WDR4: variants seen among roughly 807,000 people sequenced by gnomAD.
The protein encoded by WDR4 is WDR4 tRNA N7-guanosine methyltransferase non-catalytic subunit, also known as tRNA (guanine-N(7)-)-methyltransferase non-catalytic subunit WDR4.
Under a neutral mutation model 48.6 loss-of-function variants are expected in WDR4, and 47 were observed. The ratio of observed to expected loss-of-function variants is 0.97; its 90% CI spans 0.77 to 1.23. WDR4 has a LOEUF of 1.23. Among genes scored for constraint, WDR4 ranks in the 50% most tolerant of loss-of-function variants. The pLI is 0.00. For synonymous variants in WDR4, 268 were observed against 230.0 expected (o/e 1.17, Z -1.49); for missense variants, 606 against 551.6 (o/e 1.10, Z -0.99).
intron 1 of WDR4, among the ~76,000 whole-genome samples, chr21:42,878,785 G>T (rs1035779231): frequency 6.6e-6 from 1 of 152,208 alleles, no homozygotes; most frequent in Non-Finnish European, 1.5e-5. Flanking sequence ...CCCGAGCCGT[G>T]CGAAGGGCCA....
chr21:42,887,583 T>A, the WDR4 span, among the ~76,000 whole-genome samples: 2 of 152,196 alleles, frequency 1.3e-5, no homozygotes, highest in East Asian at 3.8e-4. Context: ...TGTGAAAGAT[T>A]CCAGTAGTGA....
At chr21:42,878,702 G>C (rs1330527885) in intron 1 of WDR4, among the ~76,000 whole-genome samples, 3 of 152,168 alleles carry the variant, frequency 2.0e-5, no homozygotes, top group Admixed American at 6.5e-5. Context: ...CATTTACTAA[G>C]TTAAAAATCC....
At position 42,862,515 on chromosome 21, in the gene WDR4, A is replaced by G; in HGVS notation, c.454-121T>C. On this transcript the variant is annotated intron_variant, in intron 4 of 10. Transcript: ENST00000398208. This position sits in a 1 kb window ranked among gnomAD's most constrained non-coding sequence, Gnocchi z 4.3. ...CGCCAAGAGGATGAGGCCTTCGAGG[A>G]CAGACCAGCGTGGCTCCTCCCCTCC... is the stretch of plus-strand genomic sequence containing the variant. 1.2e-6 allele frequency: 1 copy of G among 866,636 alleles called. No homozygotes were observed. Among genetic ancestry groups the G allele is most frequent in the Non-Finnish European group, 1.8e-6 (1 of 557,110 alleles). 53.7% of individuals were successfully genotyped at this position (866,636 alleles called of 1,614,324 possible).
At chr21:42,884,342 G>A (rs1041813944), upstream of WDR4, among the ~76,000 whole-genome samples, 6 of 152,122 alleles carry the variant, frequency 3.9e-5, no homozygotes, top group African/African-American at 1.2e-4. Flanking sequence ...AGGTTGCAAT[G>A]AGCTGAGATT....
At chr21:42,859,586 G>GATCCACAGGGGCCAGA in intron 6 of WDR4, 76 bp downstream of exon 6, 2 of 731,674 alleles carry the variant, frequency 2.7e-6, no homozygotes, top group Non-Finnish European at 4.1e-6. Flanking sequence ...CAGGGGCCAG[G>GATCCACAGGGGCCAGA]TCCAGGAGGC....
intron 3 of WDR4, among the ~76,000 whole-genome samples, chr21:42,863,799 C>T (rs1030948213): frequency 9.2e-5 from 14 of 151,840 alleles, no homozygotes; most frequent in Non-Finnish European, 1.2e-4. Context: ...ACTTTCACAA[C>T]GTTTTTCTTT....
At chr21:42,884,674 C>G in the WDR4 span, among the ~76,000 whole-genome samples, 90,533 of 151,842 alleles carry the variant, frequency 0.6, 27,756 homozygotes, top group African/African-American at 0.71. Context: ...TTTCAGGGAC[C>G]GCCAAGCTGA....
Position 42,855,731 on chromosome 21 carries a change from C to A in WDR4, c.677G>T (p.Cys226Phe). Residue 226 changes from cysteine (C) to phenylalanine (F), a missense_variant, in exon 7 of 11, where the codon TGC (cysteine) becomes TTC (phenylalanine). Coordinates refer to ENST00000398208, the MANE Select transcript of WDR4 (RefSeq NM_018669.6). ...WEYRSGRQLH[C>F]CHLASLQELV... ...CTCCTGCAGACTGGCCAGGTGACAG[C>A]AGTGCAGCTGGCGGCCGCTCCTGTA... 1 of 1,555,146 alleles carries A rather than the reference C, an allele frequency of 6.4e-7. No individual in the cohort carries two copies. Among genetic ancestry groups the A allele is most frequent in the Non-Finnish European group, 8.7e-7 (1 of 1,149,062 alleles).
chr21:42,878,413 C>T (rs2058549920), intron 1 of WDR4, among the ~76,000 whole-genome samples: 1 of 152,184 alleles, frequency 6.6e-6, no homozygotes, highest in Non-Finnish European at 1.5e-5. Context: ...TCTAATATAT[C>T]CACAGCTCAC....
At chr21:42,876,406 G>A (rs980919149) in intron 2 of WDR4, among the ~76,000 whole-genome samples, 5 of 151,982 alleles carry the variant, frequency 3.3e-5, no homozygotes, top group Non-Finnish European at 7.4e-5. Context: ...TAGAGACAGG[G>A]TTTCGCCATG....
intron 1 of WDR4, among the ~76,000 whole-genome samples, chr21:42,877,969 CG>C (rs1320448366): frequency 6.9e-6 from 1 of 145,146 alleles, no homozygotes; most frequent in Non-Finnish European, 1.5e-5. Context: ...GGCGTGAACC[CG>C]GGAGGCGGAG....
At chr21:42,877,713 A>T (rs2054075959) in intron 1 of WDR4, among the ~76,000 whole-genome samples, 1 of 152,146 alleles carries the variant, frequency 6.6e-6, no homozygotes, top group African/African-American at 2.4e-5. Flanking sequence ...TTAATATGCT[A>T]TTCTTTTAGG....
chr21:42,892,167 T>C, the WDR4 span, among the ~76,000 whole-genome samples: 6 of 149,118 alleles, frequency 4.0e-5, no homozygotes, highest in Non-Finnish European at 7.4e-5. Context: ...GGCAAGAGAA[T>C]GGCGTGAACC....
Position 42,869,914 on chromosome 21 carries a change from G to A in WDR4, c.296+3637C>T, listed in dbSNP as rs186652458. Among the ~76,000 whole-genome samples the A allele has an allele frequency of 8.3e-3, 1,262 of 152,112 alleles. 4 individuals are homozygous for A. Among genetic ancestry groups the A allele is most frequent in the Non-Finnish European group, 0.013 (898 of 68,006 alleles). ...TGTAATCCCAGCTACTCGGGAGGCT[G>A]AGGCAGGAGAATCACTTGAACCCAG... On this transcript the variant is annotated intron_variant, in intron 3 of 10. Coordinates refer to ENST00000398208, the MANE Select transcript of WDR4 (RefSeq NM_018669.6).
chr21:42,871,296 A>C (rs1327289822), intron 3 of WDR4, among the ~76,000 whole-genome samples: 1 of 152,222 alleles, frequency 6.6e-6, no homozygotes, highest in Non-Finnish European at 1.5e-5. Flanking sequence ...GCCCAAGCAG[A>C]CTAGGACAAC....
the WDR4 span, among the ~76,000 whole-genome samples, chr21:42,888,103 G>A: frequency 6.6e-6 from 1 of 151,794 alleles, no homozygotes; most frequent in African/African-American, 2.4e-5. Context: ...TCCTAGTTTT[G>A]ACAAATTATT....
intron 7 of WDR4, among the ~76,000 whole-genome samples, chr21:42,854,956 G>T (rs2057947813): frequency 1.3e-5 from 2 of 152,110 alleles, no homozygotes; most frequent in African/African-American, 4.8e-5. Context: ...ACATACAACT[G>T]CCCTGTGAGC....
upstream of WDR4, among the ~76,000 whole-genome samples, chr21:42,883,232 G>A (rs28726218): frequency 0.23 from 33,384 of 143,692 alleles, 4,778 homozygotes; most frequent in African/African-American, 0.42. Flanking sequence ...CCGAGATTGC[G>A]CCACTGCACT....
chr21:42,885,233 C>G, the WDR4 span, among the ~76,000 whole-genome samples: 1 of 152,076 alleles, frequency 6.6e-6, no homozygotes, highest in East Asian at 1.9e-4. Context: ...CTTTTTTCCT[C>G]ACATTTTCCC....
Sources: gnomAD v4.1 joint callset for allele counts (sites outside exome capture counted in the v4.1 genomes callset) on GRCh38, gnomAD v4.1.1 for gene constraint, Gnocchi (gnomAD v3.1) non-coding constraint, MANE v1.5 for transcripts, NCBI Gene and HGNC (gene_info 2026-07-23, HGNC 2026-07-21) for gene names.